ARMC3: variants seen among roughly 807,000 people sequenced by gnomAD.
ARMC3 encodes armadillo repeat containing 3.
ARMC3 carries 74 observed loss-of-function variants against 90.3 expected under a neutral mutation model. That is an observed-to-expected ratio of 0.82 (90% CI 0.68 to 0.99). The LOEUF (loss-of-function observed/expected upper bound fraction) is 0.99. ARMC3 is among the 50% of genes least tolerant of loss of function. ARMC3 has a pLI of 0.00. For missense variants in ARMC3, 958 were observed against 1,042.8 expected (o/e 0.92, Z 1.12); for synonymous variants, 334 against 361.8 (o/e 0.92, Z 0.87).
rs72812453 is a variant in ARMC3, at chr10:22,974,509, A to T, written c.916+6020A>T. On this transcript the variant is annotated intron_variant, in intron 8 of 18. Coordinates refer to ENST00000298032, the MANE Select transcript of ARMC3 (RefSeq NM_173081.5). ...ATTTTAAAAACTTTTATAAACAGTT[A>T]TTTTAAAGATAAAGTTACTATAGTT... is the stretch of plus-strand genomic sequence containing the variant. Among the ~76,000 whole-genome samples the T allele has an allele frequency of 5.4e-3, 820 of 152,314 alleles. 2 individuals are homozygous for T. The highest frequency in any genetic ancestry group is 0.017 in the Middle Eastern group (5 of 294).
intron 16 of ARMC3, among the ~76,000 whole-genome samples, chr10:23,024,869 TG>T (rs1838655147): frequency 1.3e-5 from 2 of 152,338 alleles, no homozygotes; most frequent in South Asian, 4.1e-4. Flanking sequence ...CAAATTCATT[TG>T]ACATAGGTAG....
intron 16 of ARMC3, among the ~76,000 whole-genome samples, chr10:23,017,708 G>A (rs1838338155): frequency 6.6e-6 from 1 of 152,276 alleles, no homozygotes; most frequent in African/African-American, 2.4e-5. Context: ...AGAGGTTGCA[G>A]TGAGCCAAGA....
chr10:23,006,662 C>T, intron 13 of ARMC3: 1 of 475,578 alleles, frequency 2.1e-6, no homozygotes, highest in South Asian at 2.2e-5. Flanking sequence ...GAGTGTAAAG[C>T]AATCGAGATG....
rs1321097228 is a variant in ARMC3 at position 23,008,919 on chromosome 10, A to G, written c.2033A>G (p.Glu678Gly). Residue 678 changes from glutamate to glycine, a missense_variant, in exon 16 of 19, where the codon GAA (glutamate) becomes GGA (glycine). By Grantham distance (98) the Glu-to-Gly change is moderately conservative. Transcript: ENST00000298032. ...GTTCTCAGCAAAAGCGCCACCAAAGAAAAAGGATGGAGGTAAGAAAGTGTC... is the reference window on the plus strand; with the variant it reads ...GTTCTCAGCAAAAGCGCCACCAAAGGAAAAGGATGGAGGTAAGAAAGTGTC... ...NTVLSKSATK[E>G]KGWRKSKGKK... is the part of the protein sequence containing the mutation. The G allele has an allele frequency of 7.4e-6, 12 of 1,612,966 alleles. No individual in the cohort carries two copies. The highest frequency in any genetic ancestry group is 6.6e-5 in the South Asian group (6 of 90,850).
At chr10:22,954,623 G>C (rs1834856388) in intron 3 of ARMC3, among the ~76,000 whole-genome samples, 1 of 148,364 alleles carries the variant, frequency 6.7e-6, no homozygotes. Context: ...AGAGAGCCAT[G>C]ATCACACCAC....
At chr10:22,992,109 T>C (rs1025305560) in intron 10 of ARMC3, among the ~76,000 whole-genome samples, 1 of 152,140 alleles carries the variant, frequency 6.6e-6, no homozygotes, top group Non-Finnish European at 1.5e-5. Context: ...CAAGGTAGCA[T>C]GTATGGAAGT....
At chr10:22,953,403 T>A (rs1202378902) in intron 3 of ARMC3, among the ~76,000 whole-genome samples, 2 of 151,446 alleles carry the variant, frequency 1.3e-5, no homozygotes, top group Non-Finnish European at 2.9e-5. Context: ...AAAAATATAT[T>A]TTTTTAAAAG....
Position 22,959,582 on chromosome 10 carries a change from T to C in ARMC3, c.537+8T>C. ...ATTTACAACTTGGTGCAGGTAAGAT[T>C]AATTTCTAAAAAGCGTTCTGATGAA... On this transcript the variant is annotated splice_region_variant and intron_variant, in intron 6 of 18. Transcript: ENST00000298032. 1 of 1,574,982 alleles carries C rather than the reference T, an allele frequency of 6.3e-7. No homozygotes were observed. The highest frequency in any genetic ancestry group is 8.6e-7 in the Non-Finnish European group (1 of 1,166,122).
At chr10:22,999,903 G>T (rs1837205185) in intron 11 of ARMC3, among the ~76,000 whole-genome samples, 1 of 152,146 alleles carries the variant, frequency 6.6e-6, no homozygotes, top group African/African-American at 2.4e-5. Flanking sequence ...ACCAAGTACT[G>T]CGTGCCAGGT....
intron 1 of ARMC3, 107 bp from the exon 2 acceptor site, chr10:22,931,889 A>C: frequency 1.2e-6 from 1 of 859,224 alleles, no homozygotes; most frequent in Non-Finnish European, 1.9e-6. Context: ...ATTGTGTTTT[A>C]GGAGGTAAAA....
intron 10 of ARMC3, among the ~76,000 whole-genome samples, chr10:22,992,080 G>A (rs1365050809): frequency 2.0e-5 from 3 of 152,180 alleles, no homozygotes; most frequent in Admixed American, 6.5e-5. Context: ...TTATGAGTAG[G>A]GCATTCTAGC....
At chr10:22,958,265 A>G (rs1835033298) in intron 4 of ARMC3, among the ~76,000 whole-genome samples, 1 of 152,222 alleles carries the variant, frequency 6.6e-6, no homozygotes, top group African/African-American at 2.4e-5. Context: ...AATGTACTTT[A>G]AAACAGTCAA....
chr10:23,034,539 AG>A (rs1419474696), intron 18 of ARMC3, among the ~76,000 whole-genome samples: 2 of 152,212 alleles, frequency 1.3e-5, no homozygotes, highest in African/African-American at 4.8e-5. Flanking sequence ...CCTGAATAAA[AG>A]ACCTACCACA....
At chr10:23,028,305 G>A (rs575859392) in intron 16 of ARMC3, among the ~76,000 whole-genome samples, 11 of 152,146 alleles carry the variant, frequency 7.2e-5, no homozygotes, top group African/African-American at 2.2e-4. Flanking sequence ...TTTTAATTAC[G>A]TATTTCTCAG....
At chr10:22,928,550 A>AT (rs1224353239) in intron 1 of ARMC3, among the ~76,000 whole-genome samples, 1 of 152,218 alleles carries the variant, frequency 6.6e-6, no homozygotes, top group East Asian at 1.9e-4. Flanking sequence ...AAGAAGATGC[A>AT]TTTTTAGAGC....
intron 16 of ARMC3, among the ~76,000 whole-genome samples, chr10:23,025,848 G>A (rs776908905): frequency 2.6e-5 from 4 of 152,060 alleles, no homozygotes; most frequent in Non-Finnish European, 5.9e-5. Flanking sequence ...CTGCAAAGAT[G>A]ACAATTAATC....
At chr10:22,956,421 G>A (rs193248654) in intron 4 of ARMC3, among the ~76,000 whole-genome samples, 3 of 152,218 alleles carry the variant, frequency 2.0e-5, no homozygotes, top group East Asian at 3.9e-4. Flanking sequence ...TGGCCAAAAT[G>A]GTGAAACCCC....
intron 16 of ARMC3, chr10:23,014,044 A>G: frequency 1.3e-6 from 2 of 1,534,298 alleles, no homozygotes; most frequent in Non-Finnish European, 1.8e-6. Context: ...AATGAGAATA[A>G]TTATTCCTTC....
At chr10:23,036,292 GATA>G (rs1410072891) in intron 18 of ARMC3, among the ~76,000 whole-genome samples, 1 of 152,140 alleles carries the variant, frequency 6.6e-6, no homozygotes, top group African/African-American at 2.4e-5. Context: ...CTCTAAAAAT[GATA>G]ACCATGTCTT....
Sources: allele counts gnomAD v4.1 joint callset (sites outside exome capture counted in the v4.1 genomes callset), GRCh38; gene constraint gnomAD v4.1.1; transcripts MANE v1.5; gene names NCBI Gene and HGNC (gene_info 2026-07-23, HGNC 2026-07-21).